Variants in EHBP1 observed in about 807,000 individuals in gnomAD.
EHBP1 encodes EH domain-binding protein 1.
EHBP1 carries 55 observed loss-of-function variants against 144.0 expected under a neutral mutation model. That is an observed-to-expected ratio of 0.38 (90% CI 0.31 to 0.48). EHBP1 has a LOEUF of 0.48. EHBP1 is among the 20% of genes least tolerant of loss of function. EHBP1 has a pLI of 0.98. For missense variants in EHBP1, 1,200 were observed against 1,364.2 expected (o/e 0.88, Z 1.90); for synonymous variants, 469 against 472.7 (o/e 0.99, Z 0.10).
chr2:62,889,595 A>G (rs2052267973), intron 10 of EHBP1, among the ~76,000 whole-genome samples: 1 of 152,148 alleles, frequency 6.6e-6, no homozygotes, highest in South Asian at 2.1e-4. Context: ...GAAGGGACCT[A>G]GTTTCCATTT....
chr2:62,696,429 G>T (rs1232341012), intron 1 of EHBP1, among the ~76,000 whole-genome samples: 1 of 150,620 alleles, frequency 6.6e-6, no homozygotes, highest in African/African-American at 2.4e-5. Flanking sequence ...TAACAGGGGT[G>T]AGCTACCATG....
At position 62,996,632 on chromosome 2, in the gene EHBP1, C is replaced by G; in HGVS notation, c.2980-11C>G. Reference sequence around the variant, plus strand: ...GATTTTTTTTTCCTTCCTGTTTGTTCTTGTTAACAGAAAGGGTTCAAAGAC... The same window carrying G: ...GATTTTTTTTTCCTTCCTGTTTGTTGTTGTTAACAGAAAGGGTTCAAAGAC... On this transcript the variant is annotated splice_polypyrimidine_tract_variant and intron_variant, in intron 18 of 22. Coordinates refer to ENST00000431489, the MANE Select transcript of EHBP1 (RefSeq NM_001142616.3). 6.2e-7 allele frequency: 1 copy of G among 1,611,380 alleles called. No individual in the cohort carries two copies. The highest frequency in any genetic ancestry group is 1.1e-5 in the South Asian group (1 of 90,826).
intron 10 of EHBP1, among the ~76,000 whole-genome samples, chr2:62,910,273 A>G (rs1394521484): frequency 6.6e-6 from 1 of 152,198 alleles, no homozygotes; most frequent in Non-Finnish European, 1.5e-5. Flanking sequence ...AGTTTGTACC[A>G]TACTATAGTA....
intron 10 of EHBP1, among the ~76,000 whole-genome samples, chr2:62,886,398 A>G (rs1157456314): frequency 6.6e-6 from 1 of 152,254 alleles, no homozygotes; most frequent in African/African-American, 2.4e-5. Context: ...GCTAGGAAAT[A>G]CAAAAGGTAA....
exon 1 of EHBP1, chr2:62,673,910 C>A (rs1237204922): frequency 2.5e-6 from 1 of 405,320 alleles, no homozygotes; most frequent in South Asian, 1.9e-5. Flanking sequence ...AAGAGAGACT[C>A]CAGCGAGAGA....
At chr2:62,887,579 A>G (rs555921059) in intron 10 of EHBP1, among the ~76,000 whole-genome samples, 1 of 151,902 alleles carries the variant, frequency 6.6e-6, no homozygotes, top group East Asian at 1.9e-4. Flanking sequence ...TCCACAAAAA[A>G]AAAAAAAAAA....
intron 1 of EHBP1, among the ~76,000 whole-genome samples, chr2:62,681,360 AATG>A (rs1413565964): frequency 3.8e-3 from 100 of 26,382 alleles, no homozygotes; most frequent in East Asian, 4.8e-3. Context: ...ATATATATAT[AATG>A]TGTATATATG....
At chr2:63,013,021 C>T (rs529419083) in intron 19 of EHBP1, among the ~76,000 whole-genome samples, 2 of 152,110 alleles carry the variant, frequency 1.3e-5, no homozygotes, top group African/African-American at 2.4e-5. Flanking sequence ...GAAAATCAAA[C>T]GAGTAGGGTA....
chr2:62,817,257 G>A (rs2045515782), intron 5 of EHBP1, among the ~76,000 whole-genome samples: 1 of 152,184 alleles, frequency 6.6e-6, no homozygotes, highest in Admixed American at 6.5e-5. Flanking sequence ...GAGTGTGGTT[G>A]AAATTTTAGG....
intron 15 of EHBP1, among the ~76,000 whole-genome samples, chr2:62,989,559 C>T (rs1338752348): frequency 6.6e-6 from 1 of 152,096 alleles, no homozygotes; most frequent in Non-Finnish European, 1.5e-5. Context: ...AACTCTCCTC[C>T]TACTTAATGT....
At chr2:62,987,603 G>A (rs1457305318) in intron 15 of EHBP1, among the ~76,000 whole-genome samples, 1 of 152,048 alleles carries the variant, frequency 6.6e-6, no homozygotes, top group Non-Finnish European at 1.5e-5. Flanking sequence ...CTTTATTTTT[G>A]TGTGCCATTG....
intron 10 of EHBP1, among the ~76,000 whole-genome samples, chr2:62,882,316 A>G (rs1221143198): frequency 6.6e-6 from 1 of 152,042 alleles, no homozygotes; most frequent in African/African-American, 2.4e-5. Context: ...AGAAAGAGGG[A>G]AAAATGCTAA....
chr2:62,944,741 G>A (rs1002366455), intron 12 of EHBP1, among the ~76,000 whole-genome samples: 1 of 152,128 alleles, frequency 6.6e-6, no homozygotes, highest in African/African-American at 2.4e-5. Flanking sequence ...TGGAGCCCTG[G>A]GCCAGCTAAC....
At chr2:62,762,212 C>G (rs2040824381) in intron 3 of EHBP1, among the ~76,000 whole-genome samples, 1 of 152,220 alleles carries the variant, frequency 6.6e-6, no homozygotes, top group Non-Finnish European at 1.5e-5. Flanking sequence ...TTGAAACACT[C>G]TTACCACTAG....
chr2:63,041,350 A>G (rs1166819773), intron 21 of EHBP1, among the ~76,000 whole-genome samples: 1 of 152,132 alleles, frequency 6.6e-6, no homozygotes, highest in African/African-American at 2.4e-5. Flanking sequence ...AGATTATTTA[A>G]TGCCCCCTCA....
At chr2:62,732,315 A>G (rs533466460) in intron 2 of EHBP1, among the ~76,000 whole-genome samples, 31 of 152,020 alleles carry the variant, frequency 2.0e-4, no homozygotes, top group Admixed American at 8.5e-4. Context: ...TGTTGCTTCA[A>G]ATATTTCTTC....
At chr2:63,025,848 C>T (rs1296348176) in intron 19 of EHBP1, among the ~76,000 whole-genome samples, 1 of 152,138 alleles carries the variant, frequency 6.6e-6, no homozygotes, top group East Asian at 1.9e-4. Context: ...AGACTTCTAA[C>T]TGAACAAAAT....
At chr2:62,755,400 T>C (rs1408609164) in intron 3 of EHBP1, among the ~76,000 whole-genome samples, 1 of 152,016 alleles carries the variant, frequency 6.6e-6, no homozygotes, top group African/African-American at 2.4e-5. Flanking sequence ...TCTTCCTGTG[T>C]TGATGAACAT....
intron 14 of EHBP1, among the ~76,000 whole-genome samples, chr2:62,972,758 G>A (rs2058553807): frequency 6.6e-6 from 1 of 152,162 alleles, no homozygotes; most frequent in Admixed American, 6.5e-5. Flanking sequence ...TAGGGAACTA[G>A]AATTCTGTCA....
Sources: allele counts gnomAD v4.1 joint callset (sites outside exome capture counted in the v4.1 genomes callset), GRCh38; gene constraint gnomAD v4.1.1; transcripts MANE v1.5; gene names NCBI Gene and HGNC (gene_info 2026-07-23, HGNC 2026-07-21).